Variants in RAPGEF2 observed in about 807,000 individuals in gnomAD.
RAPGEF2 encodes the protein Rap guanine nucleotide exchange factor 2.
A neutral mutation model predicts 186.7 loss-of-function variants in RAPGEF2; 54 were observed. The ratio of observed to expected loss-of-function variants is 0.29; its 90% CI spans 0.23 to 0.36. RAPGEF2 has a LOEUF of 0.36. Among genes scored for constraint, RAPGEF2 ranks in the 10% least tolerant of loss-of-function variants. The probability of loss-of-function intolerance (pLI) is 1.00; values close to 1 mark genes in which losing one functional copy is unlikely to be tolerated. For missense variants in RAPGEF2, 1,532 were observed against 2,045.0 expected, an observed-to-expected ratio of 0.75 and a Z score of 4.84; for synonymous variants, 712 against 705.9, an observed-to-expected ratio of 1.01 and a Z score of -0.14.
At chr4:159,138,549 G>C (rs1358865375) in intron 1 of RAPGEF2, among the ~76,000 whole-genome samples, 1 of 152,172 alleles carries the variant, frequency 6.6e-6, no homozygotes, top group African/African-American at 2.4e-5. Context: ...TCTTTGGCTT[G>C]AGTAAATAGA....
chr4:159,117,137 G>T (rs1739137046), intron 1 of RAPGEF2, among the ~76,000 whole-genome samples: 2 of 152,166 alleles, frequency 1.3e-5, no homozygotes, highest in African/African-American at 2.4e-5. Flanking sequence ...TTAAAAACTT[G>T]TGAGTTTAAA....
At chr4:159,200,303 A>G (rs542608245) in intron 3 of RAPGEF2, among the ~76,000 whole-genome samples, 4 of 151,838 alleles carry the variant, frequency 2.6e-5, no homozygotes, top group African/African-American at 7.3e-5. Flanking sequence ...CCCTATCTCT[A>G]AAAAAATACA....
At chr4:159,276,366 C>T (rs890972674) in intron 7 of RAPGEF2, among the ~76,000 whole-genome samples, 2 of 152,102 alleles carry the variant, frequency 1.3e-5, no homozygotes, top group African/African-American at 4.8e-5. Context: ...ATAGGACTTC[C>T]TATTTCCTGT....
At chr4:159,340,331 T>A (rs1482491394) in intron 19 of RAPGEF2, among the ~76,000 whole-genome samples, 1 of 152,198 alleles carries the variant, frequency 6.6e-6, no homozygotes, top group African/African-American at 2.4e-5. Context: ...TTTCCACTTA[T>A]CATTTCAATG....
intron 1 of RAPGEF2, among the ~76,000 whole-genome samples, 159 bp downstream of exon 1, chr4:159,104,390 T>C (rs770957179): frequency 2.4e-4 from 36 of 151,614 alleles, no homozygotes; most frequent in Non-Finnish European, 4.9e-4. Context: ...TCCGAGTCTT[T>C]TACTCCGCCT....
chr4:159,189,771 T>TTA (rs58442534), intron 2 of RAPGEF2, among the ~76,000 whole-genome samples: 2,676 of 152,318 alleles, frequency 0.018, 92 homozygotes, highest in African/African-American at 0.061. Flanking sequence ...TTATGACATT[T>TTA]TCATATAAGA....
intron 1 of RAPGEF2, among the ~76,000 whole-genome samples, chr4:159,135,262 T>G (rs528815467): frequency 1.3e-5 from 2 of 152,292 alleles, no homozygotes; most frequent in Admixed American, 6.5e-5. Flanking sequence ...CCCAAGCTCG[T>G]CTCGAACTTC....
chr4:159,107,137 G>A (rs970206854), intron 1 of RAPGEF2, among the ~76,000 whole-genome samples: 4 of 152,056 alleles, frequency 2.6e-5, no homozygotes, highest in Admixed American at 2.6e-4. Context: ...CTAGTCAATG[G>A]GGCATTGTAT....
At chr4:159,197,393 C>G (rs1360370149) in intron 3 of RAPGEF2, among the ~76,000 whole-genome samples, 1 of 151,364 alleles carries the variant, frequency 6.6e-6, no homozygotes, top group African/African-American at 2.4e-5. Flanking sequence ...ACCTTTGGAT[C>G]AGAAATTCAA....
At chr4:159,355,303 G>A (rs1186598833) in intron 28 of RAPGEF2, among the ~76,000 whole-genome samples, 1 of 152,166 alleles carries the variant, frequency 6.6e-6, no homozygotes, top group Non-Finnish European at 1.5e-5. Flanking sequence ...GGTATCCTTT[G>A]TGCGACTTTT....
chr4:159,300,869 C>A (rs1299518597), intron 7 of RAPGEF2, among the ~76,000 whole-genome samples: 1 of 152,158 alleles, frequency 6.6e-6, no homozygotes, highest in African/African-American at 2.4e-5. Context: ...ATGTGGGCAT[C>A]TGCCCCTGTG....
Position 159,314,737 on chromosome 4 carries a change from G to T in RAPGEF2, c.822G>T (p.Lys274Asn). ...ACATTGTGAGAGACTGCCTAGAGAA[G>T]GACCCAATTGACCGGACAGATGATG... is the stretch of plus-strand genomic sequence containing the variant. ...SRDIVRDCLE[K>N]DPIDRTDDDI... Residue 274 changes from lysine (K) to asparagine (N), a missense_variant, in exon 9 of 30, where the codon AAG becomes AAT. Physicochemically the swap from Lys to Asn is moderately conservative, Grantham distance 94. Coordinates refer to ENST00000691494, the MANE Select transcript of RAPGEF2 (RefSeq NM_001394067.2). 6.2e-7 allele frequency: 1 copy of T among 1,610,552 alleles called. No homozygotes were observed. The highest frequency in any genetic ancestry group is 8.5e-7 in the Non-Finnish European group (1 of 1,178,672).
At chr4:159,263,649 A>G (rs1757122305) in intron 7 of RAPGEF2, among the ~76,000 whole-genome samples, 1 of 152,200 alleles carries the variant, frequency 6.6e-6, no homozygotes, top group South Asian at 2.1e-4. Flanking sequence ...ATTAAAGATA[A>G]GTACATTATT....
intron 8 of RAPGEF2, among the ~76,000 whole-genome samples, chr4:159,312,034 G>A (rs1382922378): frequency 2.6e-5 from 4 of 152,112 alleles, no homozygotes; most frequent in Non-Finnish European, 5.9e-5. Flanking sequence ...CAGTTTGGGA[G>A]AGATAAATCC....
intron 11 of RAPGEF2, chr4:159,329,138 TCTTAA>T: frequency 6.6e-6 from 1 of 152,254 alleles, no homozygotes; most frequent in East Asian, 1.9e-4. Flanking sequence ...TATCATTCAT[TCTTAA>T]CTTTCTTTAA....
chr4:159,358,439 A>G lies in RAPGEF2; in HGVS notation c.*300A>G, dbSNP rs2111365082. On this transcript the variant is annotated 3_prime_UTR_variant, in exon 30 of 30. Transcript: ENST00000691494. Reference sequence around the variant, plus strand: ...ATCACACAGTATCATTCCAAATTCCAAGATCATCACAACAAGATGATTCAC... The same window carrying G: ...ATCACACAGTATCATTCCAAATTCCGAGATCATCACAACAAGATGATTCAC... 2.8e-6 allele frequency: 1 copy of G among 359,558 alleles called. No homozygotes were observed. Among genetic ancestry groups the G allele is most frequent in the East Asian group, 4.3e-5 (1 of 23,110 alleles). 22.3% of individuals were successfully genotyped at this position (359,558 alleles called of 1,614,324 possible).
chr4:159,332,850 GT>G, intron 17 of RAPGEF2, 153 bp downstream of exon 17: 1 of 897,396 alleles, frequency 1.1e-6, no homozygotes, highest in Non-Finnish European at 1.6e-6. Flanking sequence ...AATCAAATTT[GT>G]TTTAATCTCG....
intron 3 of RAPGEF2, among the ~76,000 whole-genome samples, chr4:159,204,911 G>A (rs1319632845): frequency 6.6e-6 from 1 of 152,110 alleles, no homozygotes; most frequent in Non-Finnish European, 1.5e-5. Context: ...CCCAGTACTG[G>A]TAGTGTCAGG....
chr4:159,181,575 C>CTTTT (rs531646826), intron 1 of RAPGEF2, among the ~76,000 whole-genome samples: 1 of 121,380 alleles, frequency 8.2e-6, no homozygotes, highest in Non-Finnish European at 1.7e-5. Flanking sequence ...GGAAGACAGT[C>CTTTT]TTTTTTTTTT....
Sources: allele counts gnomAD v4.1 joint callset (sites outside exome capture counted in the v4.1 genomes callset), GRCh38; gene constraint gnomAD v4.1.1; transcripts MANE v1.5; gene names NCBI Gene and HGNC (gene_info 2026-07-23, HGNC 2026-07-21).